WASHC2C: variants seen among roughly 807,000 people sequenced by gnomAD.
WASHC2C encodes Vaccinia Penetration Factor.
Under a neutral mutation model 142.2 loss-of-function variants are expected in WASHC2C, and 73 were observed. The ratio of observed to expected loss-of-function variants is 0.51; its 90% CI spans 0.43 to 0.62. The LOEUF is 0.62. Among genes scored for constraint, WASHC2C ranks in the 20% least tolerant of loss-of-function variants. WASHC2C has a pLI of 0.00. For missense variants in WASHC2C, 969 were observed against 1,531.7 expected (o/e 0.63, Z 6.13); for synonymous variants, 337 against 565.5 (o/e 0.60, Z 5.73).
chr10:45,763,754 C>T (rs2055423790), intron 18 of WASHC2C, among the ~76,000 whole-genome samples: 1 of 151,558 alleles, frequency 6.6e-6, no homozygotes, highest in Admixed American at 6.6e-5. Flanking sequence ...CTCTGTCACC[C>T]AGGCTGGAGT....
At chr10:45,773,524 A>G (rs1405921605) in intron 21 of WASHC2C, among the ~76,000 whole-genome samples, 166 bp downstream of exon 21, 1 of 152,306 alleles carries the variant, frequency 6.6e-6, no homozygotes, top group Admixed American at 6.5e-5. Context: ...AGTATTCTAC[A>G]GAAGAAGCAC....
rs782687642 is a variant in WASHC2C, at chr10:45,738,045, G to A, written c.354G>A (p.Gln118=). The A allele has an allele frequency of 1.2e-6, 2 of 1,611,826 alleles. No individual in the cohort carries two copies. The highest frequency in any genetic ancestry group is 1.7e-6 in the Non-Finnish European group (2 of 1,179,838). Residue 118 remains glutamine, a splice_region_variant and synonymous_variant, in exon 4 of 31, where the codon CAG becomes CAA. Transcript: ENST00000623400. The part of the protein sequence containing the change: ...VLKAEAEKTE[Q]EKTREQKEVD... ...AGGCTGAGGCAGAAAAAACAGAGCA[G>A]GTACTTGTATAAAATCACTCTTAGC...
At chr10:45,768,641 G>A (rs1363575862) in intron 19 of WASHC2C, among the ~76,000 whole-genome samples, 2 of 152,140 alleles carry the variant, frequency 1.3e-5, no homozygotes, top group Non-Finnish European at 2.9e-5. Context: ...GCTTTCTAAA[G>A]GCCACATTCA....
chr10:45,742,292 T>C (rs1473110692), intron 5 of WASHC2C, among the ~76,000 whole-genome samples: 7 of 152,254 alleles, frequency 4.6e-5, no homozygotes, highest in African/African-American at 7.2e-5. Flanking sequence ...CTTCTGTTTA[T>C]TGAGTTATAA....
intron 17 of WASHC2C, among the ~76,000 whole-genome samples, chr10:45,762,403 A>G (rs1266545959): frequency 6.6e-6 from 1 of 150,546 alleles, no homozygotes; most frequent in East Asian, 2.0e-4. Context: ...CAAAATTAAT[A>G]TAGGCTGGTC....
rs868906373 is a variant in WASHC2C, at chr10:45,753,960, C to T, written c.1181-526C>T. 9.2e-4 allele frequency among the ~76,000 whole-genome samples: 139 copies of T among 151,472 alleles called. 1 individual carries two copies. Among genetic ancestry groups the T allele is most frequent in the African/African-American group, 3.1e-3 (129 of 40,994 alleles). On this transcript the variant is annotated intron_variant, in intron 13 of 30. Transcript: ENST00000623400. ...GGCATCAGAGCTGGGCCTTGGAGGC[C>T]GCTCCTTGTGCCTGCTGTGCGGGCT...
chr10:45,758,089 ACTTGT>A (rs1202098375), intron 16 of WASHC2C, among the ~76,000 whole-genome samples: 1 of 150,594 alleles, frequency 6.6e-6, no homozygotes, highest in Non-Finnish European at 1.5e-5. Flanking sequence ...ATATCCAGCC[ACTTGT>A]CTTGTAGAAT....
rs1306561690 is a variant in WASHC2C at position 45,765,737 on chromosome 10, G to A, written c.1796G>A (p.Arg599Lys). 3 of 1,612,056 alleles carry A rather than the reference G, an allele frequency of 1.9e-6. No homozygotes were observed. The highest frequency in any genetic ancestry group is 2.5e-6 in the Non-Finnish European group (3 of 1,179,872). The part of the protein sequence containing the change: ...KKQTLSLQAQ[R>K]EEKAKASELS... ...CAGACATTGTCTCTACAAGCTCAGAGAGAAGAGAAAGCAAAAGCCTCCGAG... is the reference window on the plus strand; with the variant it reads ...CAGACATTGTCTCTACAAGCTCAGAAAGAAGAGAAAGCAAAAGCCTCCGAG... The change falls in exon 19 of 31, where the codon AGA (arginine) becomes AAA (lysine). Residue 599 changes from arginine to lysine, a missense_variant. Transcript: ENST00000623400.
At position 45,789,103 on chromosome 10, in the gene WASHC2C, C is replaced by A; in HGVS notation, c.3320C>A (p.Pro1107His). ...AAAAAPWEGG[P>H]VPGVDTSPFA... is the part of the protein sequence containing the mutation. ...GCCGCTGCACCTTGGGAAGGTGGTC[C>A]TGTGCCTGGAGTGGACACAAGCCCC... The change falls in exon 29 of 31, where the codon CCT (proline) becomes CAT (histidine). Residue 1107 changes from proline (P) to histidine (H), a missense_variant. Physicochemically the swap from Pro to His is moderately conservative, Grantham distance 77 (BLOSUM62 -2). Coordinates refer to ENST00000623400, the MANE Select transcript of WASHC2C (RefSeq NM_001330074.2). 1 of 1,612,082 alleles carries A rather than the reference C, an allele frequency of 6.2e-7. No individual in the cohort carries two copies. The highest frequency in any genetic ancestry group is 2.3e-4 in the Middle Eastern group (1 of 4,430).
intron 21 of WASHC2C, among the ~76,000 whole-genome samples, chr10:45,775,081 A>C (rs1339379255): frequency 1.6e-5 from 2 of 123,776 alleles, no homozygotes; most frequent in Non-Finnish European, 3.4e-5. Flanking sequence ...CTTGCAGGTG[A>C]GGTTCAGCTT....
intron 27 of WASHC2C, 23 bp from the exon 28 acceptor site, chr10:45,787,012 A>G (rs1160474773): frequency 2.5e-5 from 39 of 1,578,484 alleles, no homozygotes; most frequent in Non-Finnish European, 3.2e-5. Flanking sequence ...GAACAAATAC[A>G]GAGTTTCATT....
chr10:45,764,642 A>G lies in WASHC2C; in HGVS notation c.1738-1037A>G, dbSNP rs2257536. Among the ~76,000 whole-genome samples the G allele has an allele frequency of 9.4e-4, 143 of 151,868 alleles. 1 individual carries two copies. The highest frequency in any genetic ancestry group is 1.3e-3 in the Non-Finnish European group (87 of 68,004). ...GCAGTACTGGGCGGTGGTGAGCTCA[A>G]AGGCTTTGCCATCAGACCCCTGGGT... On this transcript the variant is annotated intron_variant, in intron 18 of 30. Transcript: ENST00000623400.
At chr10:45,753,918 C>T (rs1271195731) in intron 13 of WASHC2C, among the ~76,000 whole-genome samples, 3 of 151,202 alleles carry the variant, frequency 2.0e-5, no homozygotes, top group African/African-American at 4.9e-5. Flanking sequence ...TTCTAAGTGC[C>T]GAGTCTCCCG....
chr10:45,763,055 A>G (rs1554880694), intron 17 of WASHC2C, among the ~76,000 whole-genome samples: 1 of 152,040 alleles, frequency 6.6e-6, no homozygotes, highest in African/African-American at 2.4e-5. Context: ...ATGGGAAGCC[A>G]TGCTTATATA....
chr10:45,763,840 T>C (rs1356432409), intron 18 of WASHC2C, among the ~76,000 whole-genome samples: 25 of 152,078 alleles, frequency 1.6e-4, no homozygotes, highest in Admixed American at 1.6e-3. Context: ...TAGCTGGGAC[T>C]ACAGGTACGC....
intron 23 of WASHC2C, among the ~76,000 whole-genome samples, chr10:45,784,297 T>TATATAC (rs2057847882): frequency 4.4e-4 from 24 of 54,860 alleles, no homozygotes; most frequent in Middle Eastern, 8.6e-3. Context: ...TATACACATA[T>TATATAC]ATATATATAT....
At chr10:45,729,080 A>G in intron 3 of WASHC2C, 54 bp downstream of exon 3, 1 of 1,514,320 alleles carries the variant, frequency 6.6e-7, no homozygotes, top group Non-Finnish European at 8.9e-7. Context: ...AGATATTGTA[A>G]TTTTAAATAA....
intron 28 of WASHC2C, among the ~76,000 whole-genome samples, chr10:45,788,101 T>G (rs1300056833): frequency 7.2e-5 from 11 of 152,210 alleles, no homozygotes; most frequent in African/African-American, 2.7e-4. Flanking sequence ...TAACGACAAT[T>G]TTCATTGGCT....
intron 4 of WASHC2C, among the ~76,000 whole-genome samples, chr10:45,739,291 T>G (rs1554866242): frequency 1.3e-5 from 2 of 151,498 alleles, no homozygotes; most frequent in Middle Eastern, 3.4e-3. Context: ...CGTAGGGTTT[T>G]TTTTTTTTTT....
Sources: gnomAD v4.1 joint callset for allele counts (sites outside exome capture counted in the v4.1 genomes callset) on GRCh38, gnomAD v4.1.1 for gene constraint, MANE v1.5 for transcripts, NCBI Gene and HGNC (gene_info 2026-07-23, HGNC 2026-07-21) for gene names.